Variants in KIAA0232 observed in about 807,000 individuals in gnomAD.
The protein encoded by KIAA0232 is KIAA0232.
A neutral mutation model predicts 122.0 loss-of-function variants in KIAA0232; 27 were observed. The observed-to-expected ratio is 0.22, with a 90% CI of 0.16 to 0.31. The LOEUF is 0.31. Ranked by LOEUF, KIAA0232 falls within the 10% of genes least tolerant of loss-of-function variation. The pLI, the probability that KIAA0232 is intolerant of heterozygous loss-of-function variation, is 1.00. For missense variants in KIAA0232, 1,551 were observed against 1,634.2 expected, an observed-to-expected ratio of 0.95 and a Z score of 0.88; for synonymous variants, 613 against 587.6, an observed-to-expected ratio of 1.04 and a Z score of -0.63.
At chr4:6,836,301 CT>C (rs1338914847) in intron 3 of KIAA0232, among the ~76,000 whole-genome samples, 2 of 147,458 alleles carry the variant, frequency 1.4e-5, no homozygotes, top group Non-Finnish European at 3.0e-5. Flanking sequence ...CCTTTGCCCA[CT>C]TTTTGATGGG....
Position 6,861,013 on chromosome 4 carries a change from A to C in KIAA0232, c.631A>C (p.Thr211Pro). 6.2e-7 allele frequency: 1 copy of C among 1,614,196 alleles called. No individual in the cohort carries two copies. Among genetic ancestry groups the C allele is most frequent in the Non-Finnish European group, 8.5e-7 (1 of 1,180,030 alleles). The change falls in exon 7 of 10, where the codon ACA becomes CCA. Residue 211 changes from threonine to proline, a missense_variant. Physicochemically the swap from Thr to Pro is conservative, Grantham distance 38. This residue lies in a region of KIAA0232 where 377 missense variants were observed against 381.7 expected (regional missense o/e 0.99). Coordinates refer to ENST00000307659, the MANE Select transcript of KIAA0232 (RefSeq NM_014743.3). ...CSYSSSSSSS[T>P]APPASTDTSS... Reference sequence around the variant, plus strand: ...TTACTCTAGCTCTTCTTCATCATCCACAGCCCCACCAGCTAGCACAGATAC... The same window carrying C: ...TTACTCTAGCTCTTCTTCATCATCCCCAGCCCCACCAGCTAGCACAGATAC...
intron 1 of KIAA0232, among the ~76,000 whole-genome samples, chr4:6,790,765 A>G (rs1188273869): frequency 1.3e-5 from 2 of 152,028 alleles, no homozygotes; most frequent in Non-Finnish European, 2.9e-5. Flanking sequence ...GAAAGTTGAA[A>G]TAGAGTAGAC....
chr4:6,783,556 G>A (rs550148482), intron 1 of KIAA0232, among the ~76,000 whole-genome samples: 1 of 152,102 alleles, frequency 6.6e-6, no homozygotes, highest in Admixed American at 6.5e-5. Flanking sequence ...CGTTCCCTCC[G>A]TTCCCCTCCC....
chr4:6,784,795 A>T (rs569361581), intron 1 of KIAA0232, among the ~76,000 whole-genome samples: 4 of 152,196 alleles, frequency 2.6e-5, no homozygotes, highest in Non-Finnish European at 5.9e-5. Flanking sequence ...TTATTTCCAT[A>T]GGAAGTAGAA....
intron 7 of KIAA0232, among the ~76,000 whole-genome samples, chr4:6,868,650 A>G (rs1320206606): frequency 1.3e-5 from 2 of 152,168 alleles, no homozygotes; most frequent in Admixed American, 6.5e-5. Context: ...CGACCTTCTG[A>G]TCCGCTTTCA....
chr4:6,837,136 G>A (rs58411818), intron 3 of KIAA0232, among the ~76,000 whole-genome samples: 5,874 of 150,856 alleles, frequency 0.039, 361 homozygotes, highest in African/African-American at 0.13. Context: ...GGCGGGGGCT[G>A]CCCCCCACCT....
intron 3 of KIAA0232, among the ~76,000 whole-genome samples, chr4:6,835,029 C>G (rs1719187599): frequency 6.6e-6 from 1 of 152,046 alleles, no homozygotes; most frequent in South Asian, 2.1e-4. Flanking sequence ...GGTGATTCAC[C>G]CAAAGTCACT....
intron 3 of KIAA0232, 62 bp downstream of exon 3, chr4:6,824,746 T>G: frequency 7.2e-7 from 1 of 1,380,760 alleles, no homozygotes; most frequent in Non-Finnish European, 1.0e-6. Context: ...ACATTCCTCT[T>G]AAACAAGCAC....
intron 8 of KIAA0232, among the ~76,000 whole-genome samples, chr4:6,873,171 C>T (rs1293477491): frequency 6.6e-6 from 1 of 152,192 alleles, no homozygotes; most frequent in African/African-American, 2.4e-5. Context: ...GAGATGCCCC[C>T]CGCTAGTTTT....
chr4:6,811,295 C>T (rs986960270), intron 2 of KIAA0232, among the ~76,000 whole-genome samples: 9 of 152,078 alleles, frequency 5.9e-5, no homozygotes, highest in African/African-American at 1.9e-4. Flanking sequence ...AGAGTGAAAT[C>T]GTGTCTTTTG....
intron 1 of KIAA0232, among the ~76,000 whole-genome samples, chr4:6,792,833 G>A (rs757858137): frequency 7.9e-5 from 12 of 151,896 alleles, no homozygotes; most frequent in Non-Finnish European, 1.5e-4. Context: ...GGGACCACAG[G>A]TGCCCACCAC....
chr4:6,793,155 GTTAACTAA>G (rs1385732300), intron 1 of KIAA0232, among the ~76,000 whole-genome samples: 3 of 152,028 alleles, frequency 2.0e-5, no homozygotes, highest in African/African-American at 7.2e-5. Flanking sequence ...ATTACCTAAT[GTTAACTAA>G]TTAACTAATT....
intron 3 of KIAA0232, among the ~76,000 whole-genome samples, chr4:6,825,139 G>A (rs1718613818): frequency 6.6e-6 from 1 of 152,202 alleles, no homozygotes. Context: ...TAGTCAGTAT[G>A]TATGACAAAT....
At position 6,881,652 on chromosome 4, in the gene KIAA0232, T is replaced by A. The variant is rs1326496063; in HGVS notation, c.*686T>A. 1 of 152,420 alleles carries A rather than the reference T, an allele frequency of 6.6e-6. No homozygotes were observed. The highest frequency in any genetic ancestry group is 1.9e-4 in the East Asian group (1 of 5,184). The allele number at this position is 152,420 out of a possible 1,614,324, so 9.4% of individuals were successfully genotyped here. On this transcript the variant is annotated 3_prime_UTR_variant, in exon 10 of 10. Transcript: ENST00000307659. ...GAAGCCAAGGATTTGGGGTGTGGGG[T>A]CGTATGCGAGACACAGTGGGGTAAG... is the stretch of plus-strand genomic sequence containing the variant.
At chr4:6,876,935 C>T (rs1214647242) in intron 9 of KIAA0232, among the ~76,000 whole-genome samples, 178 bp downstream of exon 9, 1 of 152,170 alleles carries the variant, frequency 6.6e-6, no homozygotes, top group Non-Finnish European at 1.5e-5. Context: ...GCATTCTCCC[C>T]CGCTTCCAAA....
At chr4:6,845,347 T>A (rs1719894186) in intron 4 of KIAA0232, among the ~76,000 whole-genome samples, 1 of 152,038 alleles carries the variant, frequency 6.6e-6, no homozygotes, top group South Asian at 2.1e-4. Flanking sequence ...ATGGTGGGTT[T>A]TTTGGTTTTT....
At chr4:6,852,228 T>A (rs6815822) in intron 4 of KIAA0232, among the ~76,000 whole-genome samples, 7,035 of 152,254 alleles carry the variant, frequency 0.046, 521 homozygotes, top group African/African-American at 0.16. Context: ...ACAGCTCTCA[T>A]ACAGGGGCCT....
chr4:6,783,577 G>A (rs1716462686), intron 1 of KIAA0232, among the ~76,000 whole-genome samples: 1 of 151,984 alleles, frequency 6.6e-6, no homozygotes, highest in African/African-American at 2.4e-5. Context: ...CTCCAGCATT[G>A]TCCTTTTGGG....
intron 2 of KIAA0232, among the ~76,000 whole-genome samples, chr4:6,813,747 AATT>A (rs1717988382): frequency 6.6e-6 from 1 of 152,100 alleles, no homozygotes; most frequent in Admixed American, 6.5e-5. Context: ...CTAGATAAAT[AATT>A]AAATACTTTC....
Sources: allele counts gnomAD v4.1 joint callset (sites outside exome capture counted in the v4.1 genomes callset), GRCh38; gene constraint gnomAD v4.1.1; regional missense constraint gnomAD v4.1.1; transcripts MANE v1.5; gene names NCBI Gene and HGNC (gene_info 2026-07-23, HGNC 2026-07-21).